Variants in SLC9A2 observed in about 807,000 individuals in gnomAD.
The protein encoded by SLC9A2 is sodium/hydrogen exchanger 2.
SLC9A2 carries 42 observed loss-of-function variants against 71.7 expected under a neutral mutation model. That is an observed-to-expected ratio of 0.59 (90% CI 0.46 to 0.76). SLC9A2 has a LOEUF of 0.76. Among genes scored for constraint, SLC9A2 ranks in the 30% least tolerant of loss-of-function variants. The pLI is 0.00. For missense variants in SLC9A2, 829 were observed against 1,017.4 expected (o/e 0.81, Z 2.52); for synonymous variants, 396 against 392.5 (o/e 1.01, Z -0.10).
At chr2:102,688,595 G>A (rs1054820837) in intron 5 of SLC9A2, among the ~76,000 whole-genome samples, 2 of 152,132 alleles carry the variant, frequency 1.3e-5, no homozygotes, top group African/African-American at 4.8e-5. Flanking sequence ...GGGCATGGTG[G>A]CACGTGCCTA....
At chr2:102,680,190 A>G (rs1048570562) in intron 3 of SLC9A2, among the ~76,000 whole-genome samples, 2 of 152,186 alleles carry the variant, frequency 1.3e-5, no homozygotes, top group Non-Finnish European at 2.9e-5. Flanking sequence ...GTACCTAAAA[A>G]AGCAACATTT....
chr2:102,647,638 C>T (rs1214907340), intron 1 of SLC9A2, among the ~76,000 whole-genome samples: 1 of 149,182 alleles, frequency 6.7e-6, no homozygotes, highest in East Asian at 2.0e-4. Context: ...CAAATAGACA[C>T]AATAAAAAAA....
At chr2:102,648,265 A>G (rs1198208013) in intron 1 of SLC9A2, among the ~76,000 whole-genome samples, 1 of 152,240 alleles carries the variant, frequency 6.6e-6, no homozygotes, top group Non-Finnish European at 1.5e-5. Flanking sequence ...AAATAGATGC[A>G]GAAAAGGCCT....
intron 5 of SLC9A2, among the ~76,000 whole-genome samples, chr2:102,693,890 T>G (rs1337449539): frequency 6.6e-6 from 1 of 152,170 alleles, no homozygotes; most frequent in Non-Finnish European, 1.5e-5. Context: ...AATGAACAAA[T>G]GAAGGAGTCA....
chr2:102,703,660 T>G (rs766009591), intron 9 of SLC9A2, among the ~76,000 whole-genome samples: 1 of 152,220 alleles, frequency 6.6e-6, no homozygotes, highest in Non-Finnish European at 1.5e-5. Context: ...TGTGTTATGT[T>G]TGCATCTCTC....
chr2:102,654,195 CTTTTTT>C lies in SLC9A2; in HGVS notation c.290-3351_290-3346del, dbSNP rs34248413. Among the ~76,000 whole-genome samples the C allele has an allele frequency of 2.7e-3, 243 of 89,536 alleles. 4 individuals are homozygous for C. Among genetic ancestry groups the C allele is most frequent in the African/African-American group, 0.011 (225 of 21,184 alleles). The allele number at this position is 89,536 out of a possible 152,430, so 58.7% of individuals were successfully genotyped here. On this transcript the variant is annotated intron_variant, in intron 1 of 11. Transcript: ENST00000233969. ...CTGGCGATGCTGCTGTTGGCTGACT[CTTTTTT>C]TTTTTTTTTTTTTTTTTGAGACGGA...
At position 102,701,737 on chromosome 2, in the gene SLC9A2, T is replaced by C. The variant is rs143520502; in HGVS notation, c.1748+506T>C. ...TAAAAATATTAAAAAATCATGTCAC[T>C]AAATAGACTGTGAGAAGGACATTAT... On this transcript the variant is annotated intron_variant, in intron 8 of 11. Coordinates refer to ENST00000233969, the MANE Select transcript of SLC9A2 (RefSeq NM_003048.6). Among the ~76,000 whole-genome samples the C allele has an allele frequency of 6.3e-4, 96 of 152,286 alleles. No homozygotes were observed. The East Asian group carries it at 0.018, about 28-fold the overall frequency.
intron 1 of SLC9A2, among the ~76,000 whole-genome samples, chr2:102,628,176 C>A (rs1485796793): frequency 1.3e-5 from 2 of 151,890 alleles, no homozygotes; most frequent in African/African-American, 4.8e-5. Context: ...ATCTTTAATA[C>A]AAATAATAAT....
At chr2:102,678,590 A>C (rs1677388719) in intron 3 of SLC9A2, among the ~76,000 whole-genome samples, 1 of 152,156 alleles carries the variant, frequency 6.6e-6, no homozygotes, top group East Asian at 1.9e-4. Context: ...TGAAATCCTC[A>C]TGTGTTCATG....
chr2:102,682,821 C>G (rs1181435931), intron 3 of SLC9A2, among the ~76,000 whole-genome samples: 1 of 152,164 alleles, frequency 6.6e-6, no homozygotes, highest in Admixed American at 6.5e-5. Flanking sequence ...AATGCAAGCC[C>G]ATTTTCAAGT....
At chr2:102,649,980 G>A (rs1205271222) in intron 1 of SLC9A2, among the ~76,000 whole-genome samples, 1 of 152,168 alleles carries the variant, frequency 6.6e-6, no homozygotes, top group Non-Finnish European at 1.5e-5. Flanking sequence ...TACACCCAAA[G>A]GATTACAAAT....
In SLC9A2 at chr2:102,706,236, G is replaced by A. The variant is rs1677973416; in HGVS notation, c.2068+300G>A. 4.0e-5 allele frequency among the ~76,000 whole-genome samples: 2 copies of A among 50,474 alleles called. 1 individual carries two copies. Among genetic ancestry groups the A allele is most frequent in the Admixed American group, 4.6e-4 (2 of 4,346 alleles). The allele number at this position is 50,474 out of a possible 152,430, so 33.1% of individuals were successfully genotyped here. The stretch of plus-strand genomic sequence containing the variant: ...CGGGAGGCTGAGGCAGGAGAATGGC[G>A]TGAACCCAGGAAGCGGAGCTTGCAG... On this transcript the variant is annotated intron_variant, in intron 11 of 11. Coordinates refer to ENST00000233969, the MANE Select transcript of SLC9A2 (RefSeq NM_003048.6).
intron 2 of SLC9A2, among the ~76,000 whole-genome samples, chr2:102,663,487 G>A (rs940917153): frequency 6.6e-5 from 10 of 152,186 alleles, no homozygotes; most frequent in Non-Finnish European, 1.2e-4. Flanking sequence ...ATTGTGGTAG[G>A]CTATGACCAC....
At chr2:102,697,548 G>C (rs1044214640) in intron 7 of SLC9A2, 1 of 150,576 alleles carries the variant, frequency 6.6e-6, no homozygotes, top group African/African-American at 2.4e-5. Flanking sequence ...ATATTTCCAC[G>C]CACAACTTTT....
At chr2:102,627,529 A>G (rs1389163799) in intron 1 of SLC9A2, among the ~76,000 whole-genome samples, 1 of 152,126 alleles carries the variant, frequency 6.6e-6, no homozygotes, top group Non-Finnish European at 1.5e-5. Context: ...GTTTTTAAAA[A>G]TTTATTGGAA....
Position 102,694,936 on chromosome 2 carries a change from G to C in SLC9A2, c.1516-107G>C, listed in dbSNP as rs1457979061. 3 of 875,140 alleles carry C rather than the reference G, an allele frequency of 3.4e-6. No individual in the cohort carries two copies. In the Admixed American group the frequency reaches 6.9e-5, roughly 20 times the overall value. The allele number at this position is 875,140 out of a possible 1,614,324, so 54.2% of individuals were successfully genotyped here. ...TTGGTAATAAATAATAAACAAATAA[G>C]AAGCAAAAGCCATGAAGGTCTTTGG... On this transcript the variant is annotated intron_variant, in intron 6 of 11. Coordinates refer to ENST00000233969, the MANE Select transcript of SLC9A2 (RefSeq NM_003048.6).
At chr2:102,623,036 G>C (rs542691278) in intron 1 of SLC9A2, among the ~76,000 whole-genome samples, 49 of 152,278 alleles carry the variant, frequency 3.2e-4, no homozygotes, top group African/African-American at 9.6e-4. Flanking sequence ...TTGCATAACA[G>C]GTGTATTTGT....
chr2:102,701,498 G>GTA (rs1677874581), intron 8 of SLC9A2, among the ~76,000 whole-genome samples: 1 of 152,040 alleles, frequency 6.6e-6, no homozygotes, highest in Admixed American at 6.6e-5. Context: ...TTTTATGTAT[G>GTA]TTTATGTTTA....
chr2:102,683,172 G>A (rs1677487365), intron 3 of SLC9A2, 89 bp from the exon 4 acceptor site: 2 of 843,994 alleles, frequency 2.4e-6, no homozygotes, highest in Admixed American at 1.8e-5. Context: ...CAGAAGAGTA[G>A]AGCCATAATT....
Sources: gnomAD v4.1 joint callset for allele counts (sites outside exome capture counted in the v4.1 genomes callset) on GRCh38, gnomAD v4.1.1 for gene constraint, MANE v1.5 for transcripts, NCBI Gene and HGNC (gene_info 2026-07-23, HGNC 2026-07-21) for gene names.